EME2: variants seen among roughly 807,000 people sequenced by gnomAD.
EME2 encodes essential meiotic structure-specific endonuclease subunit 2.
A neutral mutation model predicts 41.9 loss-of-function variants in EME2; 58 were observed. That is an observed-to-expected ratio of 1.38 (90% CI 1.12 to 1.72). The LOEUF (loss-of-function observed/expected upper bound fraction) is 1.72. EME2 is among the 40% of genes most tolerant of loss of function. EME2 has a pLI of 0.00. For missense variants in EME2, 695 were observed against 541.9 expected (o/e 1.28, Z -2.81); for synonymous variants, 334 against 239.3 (o/e 1.40, Z -3.65).
In EME2 at chr16:1,776,692, A is replaced by G. The variant is rs1254613115; in HGVS notation, c.*454A>G. Reference sequence around the variant, plus strand: ...TCGCAAGCCCGGCCTCTGCACGGATACGTTTCAGCTCACGCCATGTGGGTG... The same window carrying G: ...TCGCAAGCCCGGCCTCTGCACGGATGCGTTTCAGCTCACGCCATGTGGGTG... On this transcript the variant is annotated 3_prime_UTR_variant, in exon 8 of 8. Transcript: ENST00000568449. 2.4e-5 allele frequency: 7 copies of G among 292,116 alleles called. No individual in the cohort carries two copies. 18.1% of individuals were successfully genotyped at this position (292,116 alleles called of 1,614,324 possible). A position where few individuals can be genotyped will look rare whatever the true frequency, so the allele number is the denominator to read the frequency against.
chr16:1,778,837 C>G lies in EME2; in HGVS notation c.*2599C>G. The G allele has an allele frequency of 4.2e-6, 2 of 476,648 alleles. No individual in the cohort carries two copies. Among genetic ancestry groups the G allele is most frequent in the South Asian group, 8.7e-5 (2 of 23,080 alleles). The allele number at this position is 476,648 out of a possible 1,614,324, so 29.5% of individuals were successfully genotyped here. A position where few individuals can be genotyped will look rare whatever the true frequency, so the allele number is the denominator to read the frequency against. On this transcript the variant is annotated 3_prime_UTR_variant, in exon 8 of 8. Transcript: ENST00000568449. ...CAGGAGGGCCCTGGAGGCCCAGCCA[C>G]AGAGCAGTAGCCAAGGCTGCCTGGC...
At position 1,778,403 on chromosome 16, in the gene EME2, C is replaced by T. The variant is rs762830227; in HGVS notation, c.*2165C>T. 1.2e-6 allele frequency: 2 copies of T among 1,605,624 alleles called. No individual in the cohort carries two copies. The highest frequency in any genetic ancestry group is 1.3e-5 in the African/African-American group (1 of 74,810). On this transcript the variant is annotated 3_prime_UTR_variant, in exon 8 of 8. Transcript: ENST00000568449. ...CCCACCCCCAGGCCCGCCCGCAGTG[C>T]AGTCCCAGCAGGGGCTGGGCCCCAC... is the stretch of plus-strand genomic sequence containing the variant.
chr16:1,775,127 C>A lies in EME2; in HGVS notation c.564C>A (p.Tyr188Ter). The change falls in exon 4 of 8, where the codon TAC becomes TAA. Residue 188 changes from tyrosine to a stop codon, truncating the protein, a stop_gained. Coordinates refer to ENST00000568449, the MANE Select transcript of EME2 (RefSeq NM_001257370.2). LOFTEE classifies it high-confidence loss of function. The part of the protein sequence containing the change: ...PHLAVIGLDA[Y>*]LWSRQHVSRG... ...TGGCTGTCATCGGGCTGGATGCCTA[C>A]CTGTGGTACCGCTCACTCTCATGCC... 1.2e-6 allele frequency: 2 copies of A among 1,612,118 alleles called. No homozygotes were observed. The highest frequency in any genetic ancestry group is 1.7e-6 in the Non-Finnish European group (2 of 1,179,906).
chr16:1,780,861 T>G lies in EME2; in HGVS notation c.*4623T>G. 3.2e-6 allele frequency: 1 copy of G among 307,986 alleles called. No homozygotes were observed. The allele number at this position is 307,986 out of a possible 1,614,324, so 19.1% of individuals were successfully genotyped here. On this transcript the variant is annotated 3_prime_UTR_variant, in exon 8 of 8. Transcript: ENST00000568449. ...AATCCTCCCAGCTCAGCCTCCTGAG[T>G]CGTTGGGACTACAGGCACGTGCCAC... is the stretch of plus-strand genomic sequence containing the variant.
In EME2 at chr16:1,773,278, C is replaced by CCGGGGA. The variant is rs763978801; in HGVS notation, c.57_62dup (p.Arg20_Gly21dup). ...CGGGGGTCTCTTGCCAGGGCCGGGGCCGGGGACGGGGCGGGAGCGGTCAGC... is the reference window on the plus strand; with the variant it reads ...CGGGGGTCTCTTGCCAGGGCCGGGGCCGGGGACGGGGACGGGGCGGGAGCGGTCAGC... On this transcript the variant is annotated inframe_insertion, in exon 1 of 8. Transcript: ENST00000568449. 127 of 1,470,792 alleles carry CCGGGGA rather than the reference C, an allele frequency of 8.6e-5. No homozygotes were observed. The Middle Eastern group carries it at 1.8e-3, about 21-fold the overall frequency. The allele number at this position is 1,470,792 out of a possible 1,614,324, so 91.1% of individuals were successfully genotyped here.
Position 1,777,120 on chromosome 16 carries a change from T to C in EME2, c.*882T>C. The C allele has an allele frequency of 6.2e-7, 1 of 1,611,414 alleles. No individual in the cohort carries two copies. The highest frequency in any genetic ancestry group is 8.5e-7 in the Non-Finnish European group (1 of 1,179,364). On this transcript the variant is annotated 3_prime_UTR_variant, in exon 8 of 8. Coordinates refer to ENST00000568449, the MANE Select transcript of EME2 (RefSeq NM_001257370.2). ...AGTCAGGTCCGGCGGCAGCGCTTCCTCTGGCAGGGCCGAGGCTCGCGACTG... is the reference window on the plus strand; with the variant it reads ...AGTCAGGTCCGGCGGCAGCGCTTCCCCTGGCAGGGCCGAGGCTCGCGACTG...
chr16:1,774,823 T>C (rs2042684210), intron 3 of EME2: 2 of 615,094 alleles, frequency 3.3e-6, no homozygotes, highest in East Asian at 5.4e-5. Context: ...GGAACTGACA[T>C]GTGCCCGAGC....
chr16:1,774,470 G>T (rs773493279), intron 3 of EME2, 118 bp downstream of exon 3: 7 of 779,548 alleles, frequency 9.0e-6, no homozygotes, highest in East Asian at 2.6e-5. Flanking sequence ...CATGGGGCAG[G>T]CCAGGACTCC....
At position 1,775,628 on chromosome 16, in the gene EME2, G is replaced by C. The variant is rs2042699269; in HGVS notation, c.723G>C (p.Gln241His). Residue 241 changes from glutamine to histidine, a missense_variant, in exon 6 of 8, where the codon CAG (glutamine) becomes CAC (histidine). By Grantham distance (24) the Gln-to-His change is conservative. Coordinates refer to ENST00000568449, the MANE Select transcript of EME2 (RefSeq NM_001257370.2). Reference protein sequence around the residue: ...NLDVLLVASWQELSRHVCAVT... With the variant: ...NLDVLLVASWHELSRHVCAVT... The stretch of plus-strand genomic sequence containing the variant: ...ACGTGCTACTGGTGGCCTCTTGGCA[G>C]GAGCTGAGTCGGCACGTGTGCGCCG... The C allele has an allele frequency of 6.2e-7, 1 of 1,612,822 alleles. No individual in the cohort carries two copies. Among genetic ancestry groups the C allele is most frequent in the African/African-American group, 1.3e-5 (1 of 74,956 alleles).
Position 1,774,841 on chromosome 16 carries a change from C to T in EME2, c.478-200C>T, listed in dbSNP as rs1328255346. The T allele has an allele frequency of 4.6e-6, 3 of 646,134 alleles. No individual in the cohort carries two copies. In the East Asian group the frequency reaches 7.7e-5, roughly 16 times the overall value. The allele number at this position is 646,134 out of a possible 1,614,324, so 40.0% of individuals were successfully genotyped here. A position where few individuals can be genotyped will look rare whatever the true frequency, so the allele number is the denominator to read the frequency against. On this transcript the variant is annotated intron_variant, in intron 3 of 7. Coordinates refer to ENST00000568449, the MANE Select transcript of EME2 (RefSeq NM_001257370.2). ...ACTGACATGTGCCCGAGCAGCCACT[C>T]CAGGGTCTCCTTAGCCTCTTTGGCC...
rs750480628 is a variant in EME2 at position 1,776,513 on chromosome 16, C to G, written c.*275C>G. On this transcript the variant is annotated 3_prime_UTR_variant, in exon 8 of 8. Coordinates refer to ENST00000568449, the MANE Select transcript of EME2 (RefSeq NM_001257370.2). ...GGCCTCAGCAGCAGGGCTGTGCCCC[C>G]CCAACACACACACACACTCGGCAGG... The G allele has an allele frequency of 1.1e-5, 5 of 452,132 alleles. No individual in the cohort carries two copies. The highest frequency in any genetic ancestry group is 3.9e-5 in the Admixed American group (1 of 25,490). The allele number at this position is 452,132 out of a possible 1,614,324, so 28.0% of individuals were successfully genotyped here.
rs764019186 is a variant in EME2 at position 1,777,106 on chromosome 16, G to C, written c.*868G>C. Reference sequence around the variant, plus strand: ...TCCACTGGGAAGTCAGTCAGGTCCGGCGGCAGCGCTTCCTCTGGCAGGGCC... The same window carrying C: ...TCCACTGGGAAGTCAGTCAGGTCCGCCGGCAGCGCTTCCTCTGGCAGGGCC... On this transcript the variant is annotated 3_prime_UTR_variant, in exon 8 of 8. Coordinates refer to ENST00000568449, the MANE Select transcript of EME2 (RefSeq NM_001257370.2). 2 of 1,611,102 alleles carry C rather than the reference G, an allele frequency of 1.2e-6. No homozygotes were observed. The highest frequency in any genetic ancestry group is 1.7e-6 in the Non-Finnish European group (2 of 1,178,998).
In EME2 at chr16:1,776,534, G is replaced by A; in HGVS notation, c.*296G>A. The A allele has an allele frequency of 2.5e-6, 1 of 396,178 alleles. No individual in the cohort carries two copies. The highest frequency in any genetic ancestry group is 4.7e-5 in the South Asian group (1 of 21,178). The allele number at this position is 396,178 out of a possible 1,614,324, so 24.5% of individuals were successfully genotyped here. A position where few individuals can be genotyped will look rare whatever the true frequency, so the allele number is the denominator to read the frequency against. On this transcript the variant is annotated 3_prime_UTR_variant, in exon 8 of 8. Coordinates refer to ENST00000568449, the MANE Select transcript of EME2 (RefSeq NM_001257370.2). ...CCCCCCCAACACACACACACACTCG[G>A]CAGGGACCAGAAGGCAGCTCCAGGG...
chr16:1,781,131 T>C lies in EME2; in HGVS notation c.*4893T>C. 1 of 1,483,882 alleles carries C rather than the reference T, an allele frequency of 6.7e-7. No homozygotes were observed. The highest frequency in any genetic ancestry group is 9.0e-7 in the Non-Finnish European group (1 of 1,109,514). 91.9% of individuals were successfully genotyped at this position (1,483,882 alleles called of 1,614,324 possible). ...AGAAAGCACAGTGAAGAATGCAGTG[T>C]GTTCTGAGGTCCTGTCACCCCTGAG... is the stretch of plus-strand genomic sequence containing the variant. On this transcript the variant is annotated 3_prime_UTR_variant, in exon 8 of 8. Coordinates refer to ENST00000568449, the MANE Select transcript of EME2 (RefSeq NM_001257370.2).
In EME2 at chr16:1,773,718, C is replaced by T; in HGVS notation, c.261C>T (p.Asp87=). 1 of 1,548,860 alleles carries T rather than the reference C, an allele frequency of 6.5e-7. No homozygotes were observed. The highest frequency in any genetic ancestry group is 8.7e-7 in the Non-Finnish European group (1 of 1,147,164). The change falls in exon 2 of 8, where the codon GAC becomes GAT. Residue 87 remains aspartate, a synonymous_variant. Coordinates refer to ENST00000568449, the MANE Select transcript of EME2 (RefSeq NM_001257370.2). ...AVCVDTAILE[D]AGADVLMEAL... Reference sequence around the variant, plus strand: ...CCCCGGTCCCAGCCATCCTGGAAGACGCCGGTGCCGACGTCCTGATGGAGG... The same window carrying T: ...CCCCGGTCCCAGCCATCCTGGAAGATGCCGGTGCCGACGTCCTGATGGAGG...
chr16:1,773,829 C>T lies in EME2; in HGVS notation c.372C>T (p.Pro124=). The change falls in exon 2 of 8, where the codon CCC becomes CCT. Residue 124 remains proline, a synonymous_variant. Transcript: ENST00000568449. ...SLRWTRASPD[P]CPRSLPPEVW... is the part of the protein sequence containing the mutation. The stretch of plus-strand genomic sequence containing the variant: ...GGTGGACCCGAGCGAGTCCCGACCC[C>T]TGCCCCCGCAGCGTGAGTGGTCGCG... 1 of 1,548,402 alleles carries T rather than the reference C, an allele frequency of 6.5e-7. No individual in the cohort carries two copies.
Position 1,772,842 on chromosome 16 carries a change from C to T in EME2, c.-386C>T. 6.9e-7 allele frequency: 1 copy of T among 1,444,042 alleles called. No homozygotes were observed. The highest frequency in any genetic ancestry group is 9.1e-7 in the Non-Finnish European group (1 of 1,103,588). The allele number at this position is 1,444,042 out of a possible 1,614,324, so 89.5% of individuals were successfully genotyped here. A position where few individuals can be genotyped will look rare whatever the true frequency, so the allele number is the denominator to read the frequency against. On this transcript the variant is annotated 5_prime_UTR_variant, in exon 1 of 8. Coordinates refer to ENST00000568449, the MANE Select transcript of EME2 (RefSeq NM_001257370.2). ...CCGCACCCGCGTGAGGCGCCAGTAG[C>T]ACGGCTCGTCGTGCTGCCACAGCCA...
At chr16:1,774,024 T>C in intron 2 of EME2, among the ~76,000 whole-genome samples, 183 bp downstream of exon 2, 1 of 152,252 alleles carries the variant, frequency 6.6e-6, no homozygotes, top group Non-Finnish European at 1.5e-5. Flanking sequence ...AGAGCCGAGC[T>C]GGCTGGAGAA....
In EME2 at chr16:1,773,235, G is replaced by C; in HGVS notation, c.8G>C (p.Arg3Pro). 4 of 1,446,300 alleles carry C rather than the reference G, an allele frequency of 2.8e-6. No individual in the cohort carries two copies. The highest frequency in any genetic ancestry group is 3.6e-6 in the Non-Finnish European group (4 of 1,109,246). The allele number at this position is 1,446,300 out of a possible 1,614,324, so 89.6% of individuals were successfully genotyped here. ...GAAGAGGTCGGTCCGGCCATGGCGC[G>C]GGTTGGACCCGGGAGGGCGGGGGTC... MARVGPGRAGVSC... is the reference protein window; with the variant it reads MAPVGPGRAGVSC... The change falls in exon 1 of 8, where the codon CGG (arginine) becomes CCG (proline). Residue 3 changes from arginine to proline, a missense_variant. By Grantham distance (103) the Arg-to-Pro change is moderately radical. Transcript: ENST00000568449.
Sources: allele counts gnomAD v4.1 joint callset (sites outside exome capture counted in the v4.1 genomes callset), GRCh38; gene constraint gnomAD v4.1.1; transcripts MANE v1.5; gene names NCBI Gene and HGNC (gene_info 2026-07-23, HGNC 2026-07-21).